Variants in PLEKHB2 observed in about 807,000 individuals in gnomAD.
PLEKHB2 encodes the protein pleckstrin homology domain-containing family B member 2.
In PLEKHB2, 31 loss-of-function variants were observed where a neutral mutation model predicts 36.5. The ratio of observed to expected loss-of-function variants is 0.85; its 90% CI spans 0.64 to 1.15. The LOEUF (loss-of-function observed/expected upper bound fraction) is 1.15. PLEKHB2 is among the 50% of genes most tolerant of loss of function. PLEKHB2 has a pLI of 0.00. For synonymous variants in PLEKHB2, 119 were observed against 112.0 expected (o/e 1.06, Z -0.39); for missense variants, 262 against 295.3 (o/e 0.89, Z 0.83).
intron 4 of PLEKHB2, among the ~76,000 whole-genome samples, chr2:131,127,597 A>G (rs77531762): frequency 0.028 from 4,265 of 152,318 alleles, 196 homozygotes; most frequent in African/African-American, 0.096. Flanking sequence ...AAGATGGTGA[A>G]ATGGATTAGA....
intron 1 of PLEKHB2, among the ~76,000 whole-genome samples, chr2:131,110,316 TG>T (rs1695166712): frequency 6.7e-6 from 1 of 149,972 alleles, no homozygotes; most frequent in East Asian, 1.9e-4. Context: ...CAGTCTGGAC[TG>T]TTTTTTTTTT....
intron 4 of PLEKHB2, 165 bp downstream of exon 4, chr2:131,126,951 T>A: frequency 1.7e-6 from 1 of 584,566 alleles, no homozygotes; most frequent in South Asian, 2.1e-5. Context: ...CCAATTCTAG[T>A]TTCTGCCTCT....
intron 6 of PLEKHB2, among the ~76,000 whole-genome samples, chr2:131,139,078 G>T (rs1698534772): frequency 2.0e-5 from 3 of 152,188 alleles, no homozygotes. Flanking sequence ...AGAGGTTATT[G>T]TCTAAAAATG....
intron 3 of PLEKHB2, 38 bp downstream of exon 3, chr2:131,125,943 T>C (rs1156283386): frequency 1.3e-6 from 2 of 1,589,268 alleles, no homozygotes; most frequent in Admixed American, 1.7e-5. Context: ...TGTCTTCTGC[T>C]CTTCCTCTGT....
chr2:131,146,470 G>A (rs1056738971), intron 7 of PLEKHB2, among the ~76,000 whole-genome samples, 167 bp from the exon 8 acceptor site: 24 of 152,154 alleles, frequency 1.6e-4, no homozygotes, highest in African/African-American at 5.6e-4. Context: ...CCCAGTGTGC[G>A]GTTTCAGGGA....
chr2:131,131,845 T>C (rs1573595754), intron 5 of PLEKHB2, among the ~76,000 whole-genome samples: 1 of 151,886 alleles, frequency 6.6e-6, no homozygotes, highest in East Asian at 1.9e-4. Context: ...GTGTGGATTT[T>C]TTTTTTTTGA....
chr2:131,141,492 T>C (rs1423097111), intron 7 of PLEKHB2, among the ~76,000 whole-genome samples: 1 of 151,824 alleles, frequency 6.6e-6, no homozygotes, highest in Non-Finnish European at 1.5e-5. Context: ...ACAAAAAAAT[T>C]AGCTGGGCAT....
chr2:131,109,309 GT>G (rs1391144677), intron 1 of PLEKHB2, among the ~76,000 whole-genome samples: 1 of 152,114 alleles, frequency 6.6e-6, no homozygotes, highest in Non-Finnish European at 1.5e-5. Context: ...ATTTAGGTTG[GT>G]TTTTTTGTTT....
intron 1 of PLEKHB2, among the ~76,000 whole-genome samples, chr2:131,109,894 C>A (rs374079341): frequency 6.6e-6 from 1 of 152,076 alleles, no homozygotes; most frequent in Non-Finnish European, 1.5e-5. Flanking sequence ...GCAAGTGGAT[C>A]ATGAGGTCAG....
chr2:131,140,375 G>A, intron 7 of PLEKHB2, 100 bp downstream of exon 7: 1 of 636,342 alleles, frequency 1.6e-6, no homozygotes, highest in Non-Finnish European at 2.8e-6. Flanking sequence ...GGTTACATGA[G>A]CTATATTTTC....
chr2:131,121,257 T>A (rs142903977), intron 2 of PLEKHB2, among the ~76,000 whole-genome samples: 3,206 of 152,296 alleles, frequency 0.021, 116 homozygotes, highest in African/African-American at 0.072. Context: ...TAATTTATTT[T>A]ATTTATTTAT....
At chr2:131,125,695 G>GA (rs1697015444) in intron 2 of PLEKHB2, 58 bp from the exon 3 acceptor site, 15 of 1,456,654 alleles carry the variant, frequency 1.0e-5, no homozygotes, top group Non-Finnish European at 1.4e-5. Context: ...CAACTTGGGC[G>GA]AAATAGTAAG....
rs1699340103 is a variant in PLEKHB2 at position 131,146,844 on chromosome 2, C to T, written c.*71C>T. On this transcript the variant is annotated 3_prime_UTR_variant, in exon 8 of 8. Coordinates refer to ENST00000693505, the MANE Select transcript of PLEKHB2 (RefSeq NM_001100623.2). ...CAATAATATGATTTGCAGGGCATTT[C>T]TGTTTGTGACAAAAGTTTTTAATAA... is the stretch of plus-strand genomic sequence containing the variant. 1 of 1,329,508 alleles carries T rather than the reference C, an allele frequency of 7.5e-7. No homozygotes were observed. Among genetic ancestry groups the T allele is most frequent in the African/African-American group, 1.5e-5 (1 of 67,484 alleles). The allele number at this position is 1,329,508 out of a possible 1,614,324, so 82.4% of individuals were successfully genotyped here. A position where few individuals can be genotyped will look rare whatever the true frequency, so the allele number is the denominator to read the frequency against.
chr2:131,113,689 C>T (rs1046379504), intron 1 of PLEKHB2, among the ~76,000 whole-genome samples: 1 of 152,128 alleles, frequency 6.6e-6, no homozygotes, highest in Non-Finnish European at 1.5e-5. Context: ...TATGCCTTTG[C>T]TCTGAGCTAG....
chr2:131,137,216 G>A (rs1323114842), intron 6 of PLEKHB2, among the ~76,000 whole-genome samples: 3 of 152,190 alleles, frequency 2.0e-5, no homozygotes, highest in African/African-American at 7.2e-5. Context: ...CAGAGTGCTG[G>A]GATTACAGGC....
chr2:131,106,113 C>T (rs1694701960), intron 1 of PLEKHB2, among the ~76,000 whole-genome samples: 1 of 152,160 alleles, frequency 6.6e-6, no homozygotes, highest in Admixed American at 6.5e-5. Flanking sequence ...TTGAAAACTC[C>T]GGAGGTCAGG....
At position 131,142,877 on chromosome 2, in the gene PLEKHB2, T is replaced by TC. The variant is rs1015479227; in HGVS notation, c.532+2609dup. 6.6e-5 allele frequency among the ~76,000 whole-genome samples: 10 copies of TC among 151,848 alleles called. No individual in the cohort carries two copies. In the South Asian group the frequency reaches 1.0e-3, roughly 16 times the overall value. Reference sequence around the variant, plus strand: ...GGCCTAGAATCTAGTTCTTTTTTTCTCCCCCCCAACTAGACTCTATCTCTA... The same window carrying TC: ...GGCCTAGAATCTAGTTCTTTTTTTCTCCCCCCCCAACTAGACTCTATCTCTA... On this transcript the variant is annotated intron_variant, in intron 7 of 7. Transcript: ENST00000693505.
At chr2:131,123,759 C>A (rs1696770692) in intron 2 of PLEKHB2, among the ~76,000 whole-genome samples, 1 of 95,914 alleles carries the variant, frequency 1.0e-5, no homozygotes, top group Non-Finnish European at 2.2e-5. Context: ...TTCTGACCTC[C>A]TGGTCCACCC....
At chr2:131,119,115 C>T (rs1383506804) in intron 1 of PLEKHB2, 2 of 151,850 alleles carry the variant, frequency 1.3e-5, no homozygotes, top group African/African-American at 4.8e-5. Context: ...ATCAGCCGGG[C>T]ATGGTGGCAT....
Sources: allele counts gnomAD v4.1 joint callset (sites outside exome capture counted in the v4.1 genomes callset), GRCh38; gene constraint gnomAD v4.1.1; transcripts MANE v1.5; gene names NCBI Gene and HGNC (gene_info 2026-07-23, HGNC 2026-07-21).